Variants in NAALADL2 observed in about 807,000 individuals in gnomAD.
The protein encoded by NAALADL2 is inactive N-acetylated-alpha-linked acidic dipeptidase-like protein 2.
A neutral mutation model predicts 87.2 loss-of-function variants in NAALADL2; 76 were observed. The ratio of observed to expected loss-of-function variants is 0.87; its 90% CI spans 0.72 to 1.05. The LOEUF (loss-of-function observed/expected upper bound fraction) is 1.05. Ranked by LOEUF, NAALADL2 falls within the 50% of genes least tolerant of loss-of-function variation. The pLI is 0.00. For missense variants in NAALADL2, 1,089 were observed against 945.8 expected, an observed-to-expected ratio of 1.15 and a Z score of -1.99; for synonymous variants, 354 against 331.0, an observed-to-expected ratio of 1.07 and a Z score of -0.75.
At chr3:175,332,112 A>C (rs544212123) in intron 5 of NAALADL2, among the ~76,000 whole-genome samples, 41 of 152,338 alleles carry the variant, frequency 2.7e-4, no homozygotes, top group Admixed American at 2.4e-3. Flanking sequence ...TCTTGTGCTC[A>C]TGGACTGGAA....
intron 4 of NAALADL2, among the ~76,000 whole-genome samples, chr3:175,293,947 T>TGAAGCCAAAG (rs1172361963): frequency 1.3e-5 from 2 of 152,158 alleles, no homozygotes; most frequent in Admixed American, 1.3e-4. Flanking sequence ...ATTCATACCA[T>TGAAGCCAAAG]GAAGCCAAAG....
chr3:174,619,121 TTA>T (rs1467478801), intron 2 of NAALADL2, among the ~76,000 whole-genome samples: 2 of 151,902 alleles, frequency 1.3e-5, no homozygotes, highest in Non-Finnish European at 2.9e-5. Context: ...GAAATTAGAT[TTA>T]TGTCAGTTTT....
chr3:174,584,142 G>A (rs903343338), intron 2 of NAALADL2, among the ~76,000 whole-genome samples: 5 of 152,124 alleles, frequency 3.3e-5, no homozygotes, highest in Middle Eastern at 3.2e-3. Flanking sequence ...ACCTGAGAAA[G>A]ACTGAGAAAG....
At chr3:174,921,269 T>C (rs1735142801) in intron 1 of NAALADL2, among the ~76,000 whole-genome samples, 1 of 152,196 alleles carries the variant, frequency 6.6e-6, no homozygotes, top group African/African-American at 2.4e-5. Flanking sequence ...TGCTTGTATA[T>C]CTAGACAATA....
intron 2 of NAALADL2, among the ~76,000 whole-genome samples, chr3:174,609,723 A>G (rs1051646637): frequency 2.0e-5 from 3 of 152,234 alleles, no homozygotes; most frequent in African/African-American, 7.2e-5. Flanking sequence ...CAATATCGTG[A>G]AAATGGCCAT....
rs1327231329 is a variant in NAALADL2, at chr3:175,803,145, A to G, written c.2330A>G (p.Gln777Arg). The stretch of plus-strand genomic sequence containing the variant: ...GTGTTGAACAGCATTAATTCAGCTC[A>G]GGTTTACTTCAAAGCAGGACTTGAT... The part of the protein sequence containing the change: ...SEVLNSINSA[Q>R]VYFKAGLDVF... Residue 777 changes from glutamine (Q) to arginine (R), a missense_variant, in exon 14 of 14, where the codon CAG (glutamine) becomes CGG (arginine). Physicochemically the swap from Gln to Arg is conservative, Grantham distance 43. Coordinates refer to ENST00000454872, the MANE Select transcript of NAALADL2 (RefSeq NM_207015.3). 18 of 1,612,134 alleles carry G rather than the reference A, an allele frequency of 1.1e-5. No homozygotes were observed. In the Admixed American group the frequency reaches 2.8e-4, roughly 25 times the overall value.
At chr3:175,574,969 C>T (rs1718648365) in intron 9 of NAALADL2, among the ~76,000 whole-genome samples, 1 of 152,048 alleles carries the variant, frequency 6.6e-6, no homozygotes, top group Non-Finnish European at 1.5e-5. Context: ...ATAGTTGATG[C>T]CATTGCATCT....
At chr3:174,467,438 C>G (rs757278747) in intron 1 of NAALADL2, among the ~76,000 whole-genome samples, 1 of 151,494 alleles carries the variant, frequency 6.6e-6, no homozygotes, top group African/African-American at 2.4e-5. Context: ...ACTAAAAATA[C>G]AAAAATTAGC....
At chr3:174,857,544 T>C (rs760197870), upstream of NAALADL2, among the ~76,000 whole-genome samples, 1 of 152,156 alleles carries the variant, frequency 6.6e-6, no homozygotes, top group Non-Finnish European at 1.5e-5. Flanking sequence ...TTTCCAAGTT[T>C]GTCATAATGA....
At chr3:175,240,282 T>C (rs576277406) in intron 3 of NAALADL2, among the ~76,000 whole-genome samples, 2 of 152,224 alleles carry the variant, frequency 1.3e-5, no homozygotes, top group Admixed American at 1.3e-4. Context: ...AATATCAATA[T>C]GTAGTGCCTT....
chr3:174,654,229 G>C (rs1724677171), intron 2 of NAALADL2, among the ~76,000 whole-genome samples: 1 of 152,052 alleles, frequency 6.6e-6, no homozygotes, highest in East Asian at 1.9e-4. Context: ...ATAAAATTTT[G>C]TTAAGGTCTG....
chr3:174,607,844 C>G (rs1719296376), intron 2 of NAALADL2, among the ~76,000 whole-genome samples: 1 of 151,892 alleles, frequency 6.6e-6, no homozygotes, highest in African/African-American at 2.4e-5. Flanking sequence ...ACTCTCCACC[C>G]CAAATCAACA....
At chr3:175,737,164 A>C (rs1345077758) in intron 11 of NAALADL2, 142 bp from the exon 12 acceptor site, 1 of 554,070 alleles carries the variant, frequency 1.8e-6, no homozygotes, top group Admixed American at 3.6e-5. Context: ...TTTAAAAGAA[A>C]AAGAGATTTT....
chr3:175,520,598 C>G (rs888537281), intron 9 of NAALADL2, among the ~76,000 whole-genome samples: 1 of 151,924 alleles, frequency 6.6e-6, no homozygotes, highest in Non-Finnish European at 1.5e-5. Context: ...GCGCCCGGCC[C>G]AAGAATGCAA....
intron 2 of NAALADL2, among the ~76,000 whole-genome samples, chr3:174,644,033 T>G (rs1050855490): frequency 1.3e-5 from 2 of 152,206 alleles, no homozygotes; most frequent in Non-Finnish European, 2.9e-5. Context: ...TTTGTTTTAT[T>G]TTAAACCAAA....
chr3:174,807,776 A>G (rs1719673176), intron 3 of NAALADL2, among the ~76,000 whole-genome samples: 1 of 152,100 alleles, frequency 6.6e-6, no homozygotes, highest in Admixed American at 6.6e-5. Flanking sequence ...CCATGTAAAG[A>G]TACCTTGTAT....
intron 4 of NAALADL2, 131 bp from the exon 5 acceptor site, chr3:175,324,044 G>GAA (rs1399594788): frequency 4.5e-5 from 21 of 470,206 alleles, no homozygotes; most frequent in Non-Finnish European, 6.6e-5. Context: ...AAAAAAAAAA[G>GAA]AAAAAGAAAA....
intron 3 of NAALADL2, among the ~76,000 whole-genome samples, chr3:174,800,594 C>A (rs538406327): frequency 1.5e-4 from 23 of 152,296 alleles, no homozygotes; most frequent in African/African-American, 3.1e-4. Flanking sequence ...CCCCTCCCCC[C>A]CAACAGAGTC....
intron 9 of NAALADL2, among the ~76,000 whole-genome samples, chr3:175,530,852 G>A (rs1733998915): frequency 6.6e-6 from 1 of 152,160 alleles, no homozygotes; most frequent in East Asian, 1.9e-4. Flanking sequence ...TTCCTGATGG[G>A]CAGTTCAGGT....
Sources: gnomAD v4.1 joint callset for allele counts (sites outside exome capture counted in the v4.1 genomes callset) on GRCh38, gnomAD v4.1.1 for gene constraint, MANE v1.5 for transcripts, NCBI Gene and HGNC (gene_info 2026-07-23, HGNC 2026-07-21) for gene names.